MMP26: variants seen among roughly 807,000 people sequenced by gnomAD.
MMP26 encodes the protein matrix metallopeptidase 26.
Under a neutral mutation model 31.0 loss-of-function variants are expected in MMP26, and 33 were observed. That is an observed-to-expected ratio of 1.06 (90% CI 0.81 to 1.42). The LOEUF is 1.42. MMP26 is among the 40% of genes most tolerant of loss of function. MMP26 has a pLI of 0.00. For synonymous variants in MMP26, 122 were observed against 114.9 expected (o/e 1.06, Z -0.40); for missense variants, 347 against 316.1 (o/e 1.10, Z -0.74).
chr11:4,918,688 AG>A lies in MMP26; in HGVS notation c.-144-69379del, dbSNP rs1363019078. Among the ~76,000 whole-genome samples the A allele has an allele frequency of 2.0e-5, 3 of 152,296 alleles. No homozygotes were observed. In the East Asian group the frequency reaches 5.8e-4, roughly 29 times the overall value. On this transcript the variant is annotated intron_variant, in intron 2 of 7. Coordinates refer to ENST00000380390, the MANE Select transcript of MMP26 (RefSeq NM_021801.5). ...TGTCCAGGATACAGTGGGTTCAGCA[AG>A]ATAGACTTAATCCATGGCGTTTCTG...
intron 2 of MMP26, among the ~76,000 whole-genome samples, chr11:4,841,165 G>A (rs1354144132): frequency 6.6e-6 from 1 of 152,120 alleles, no homozygotes; most frequent in East Asian, 1.9e-4. Flanking sequence ...GTACTTACAG[G>A]ATCCAGAAAA....
intron 2 of MMP26, among the ~76,000 whole-genome samples, chr11:4,906,675 T>G (rs1437028033): frequency 6.6e-6 from 1 of 152,236 alleles, no homozygotes. Flanking sequence ...AGATTTTATT[T>G]TAAAGCCAAC....
At chr11:4,983,326 G>A (rs926848398) in intron 2 of MMP26, among the ~76,000 whole-genome samples, 1 of 152,052 alleles carries the variant, frequency 6.6e-6, no homozygotes, top group Non-Finnish European at 1.5e-5. Flanking sequence ...CTATGGTATT[G>A]CGGTGAAAGC....
At chr11:4,825,023 T>C (rs1400231906) in intron 2 of MMP26, among the ~76,000 whole-genome samples, 1 of 152,074 alleles carries the variant, frequency 6.6e-6, no homozygotes, top group African/African-American at 2.4e-5. Context: ...AAAAATCCTC[T>C]TTTCAGGCTT....
chr11:4,830,808 C>A (rs1424183379), intron 2 of MMP26, among the ~76,000 whole-genome samples: 1 of 152,168 alleles, frequency 6.6e-6, no homozygotes, highest in Non-Finnish European at 1.5e-5. Context: ...GAGACAGACA[C>A]CTGCACTGGT....
At chr11:4,775,664 G>A (rs1245449951) in intron 2 of MMP26, among the ~76,000 whole-genome samples, 1 of 151,876 alleles carries the variant, frequency 6.6e-6, no homozygotes, top group African/African-American at 2.4e-5. Context: ...TTCTGGTGAG[G>A]GCCTCATGTT....
At chr11:4,827,810 G>A (rs533454009) in intron 2 of MMP26, among the ~76,000 whole-genome samples, 41 of 151,336 alleles carry the variant, frequency 2.7e-4, no homozygotes, top group African/African-American at 9.4e-4. Flanking sequence ...TTTCCAAGAT[G>A]AGAGTTCTAA....
intron 1 of MMP26, among the ~76,000 whole-genome samples, chr11:4,761,453 T>C (rs1247718187): frequency 6.6e-6 from 1 of 152,178 alleles, no homozygotes; most frequent in Non-Finnish European, 1.5e-5. Context: ...TGTAGAGTCA[T>C]TTACTCAGCT....
chr11:4,746,662 C>T (rs561495310), intron 1 of MMP26, among the ~76,000 whole-genome samples: 9 of 152,154 alleles, frequency 5.9e-5, no homozygotes, highest in African/African-American at 1.7e-4. Context: ...GGTGAAACCC[C>T]GTCTCTGCTA....
intron 2 of MMP26, among the ~76,000 whole-genome samples, chr11:4,801,975 C>T (rs1387946839): frequency 6.6e-6 from 1 of 152,204 alleles, no homozygotes; most frequent in African/African-American, 2.4e-5. Context: ...CCACCTCCAA[C>T]ACTGGGAATC....
At chr11:4,716,911 C>T (rs1847940375) in intron 1 of MMP26, among the ~76,000 whole-genome samples, 7 of 152,088 alleles carry the variant, frequency 4.6e-5, no homozygotes, top group Admixed American at 3.9e-4. Flanking sequence ...GATCACCTGC[C>T]TCGGCCTCCC....
chr11:4,748,976 C>A (rs1333960978), intron 1 of MMP26, among the ~76,000 whole-genome samples: 1 of 151,684 alleles, frequency 6.6e-6, no homozygotes, highest in Non-Finnish European at 1.5e-5. Flanking sequence ...TGAAATGCAT[C>A]AAAATTGGAA....
At chr11:4,821,762 C>G in intron 2 of MMP26, 1 of 1,613,866 alleles carries the variant, frequency 6.2e-7, no homozygotes, top group African/African-American at 1.3e-5. Flanking sequence ...TTCATGGAGT[C>G]TGGGGTTCTA....
intron 2 of MMP26, among the ~76,000 whole-genome samples, chr11:4,928,376 T>A (rs1851302319): frequency 6.6e-6 from 1 of 152,158 alleles, no homozygotes; most frequent in Admixed American, 6.6e-5. Flanking sequence ...GAGTCATAAT[T>A]CAGAAATTTA....
At chr11:4,988,711 C>A (rs1209314982) in intron 3 of MMP26, among the ~76,000 whole-genome samples, 2 of 152,114 alleles carry the variant, frequency 1.3e-5, no homozygotes, top group Admixed American at 6.5e-5. Flanking sequence ...ATCTCCCAGT[C>A]GGTCTACCAC....
At chr11:4,799,458 C>G (rs1334813960) in intron 2 of MMP26, among the ~76,000 whole-genome samples, 1 of 152,108 alleles carries the variant, frequency 6.6e-6, no homozygotes, top group Non-Finnish European at 1.5e-5. Flanking sequence ...TAGTGCTAAG[C>G]CATTCATGAG....
chr11:4,747,048 G>C (rs1456179386), intron 1 of MMP26, among the ~76,000 whole-genome samples: 1 of 152,106 alleles, frequency 6.6e-6, no homozygotes, highest in Non-Finnish European at 1.5e-5. Context: ...CATTGATCCT[G>C]GCAATAAGCT....
chr11:4,855,407 G>T (rs771622673), intron 2 of MMP26, among the ~76,000 whole-genome samples: 1 of 152,174 alleles, frequency 6.6e-6, no homozygotes, highest in Non-Finnish European at 1.5e-5. Flanking sequence ...ACCATGGCAC[G>T]AGAACTACGT....
intron 2 of MMP26, chr11:4,942,778 T>C (rs1467767466): frequency 6.6e-6 from 1 of 152,172 alleles, no homozygotes; most frequent in African/African-American, 2.4e-5. Flanking sequence ...AACCCATGGG[T>C]ACACACACAT....
Sources: allele counts gnomAD v4.1 joint callset (sites outside exome capture counted in the v4.1 genomes callset), GRCh38; gene constraint gnomAD v4.1.1; transcripts MANE v1.5; gene names NCBI Gene and HGNC (gene_info 2026-07-23, HGNC 2026-07-21).